MIA2: variants seen among roughly 807,000 people sequenced by gnomAD.
The protein encoded by MIA2 is MIA SH3 domain ER export factor 2, also known as melanoma inhibitory activity protein 2.
MIA2 carries 127 observed loss-of-function variants against 167.8 expected under a neutral mutation model. That is an observed-to-expected ratio of 0.76 (90% CI 0.66 to 0.88). MIA2 has a LOEUF of 0.88. Ranked by LOEUF, MIA2 falls within the 40% of genes least tolerant of loss-of-function variation. The pLI, the probability that MIA2 is intolerant of heterozygous loss-of-function variation, is 0.00. For synonymous variants in MIA2, 552 were observed against 541.9 expected, an observed-to-expected ratio of 1.02 and a Z score of -0.26; for missense variants, 1,690 against 1,624.7, an observed-to-expected ratio of 1.04 and a Z score of -0.69.
intron 9 of MIA2, among the ~76,000 whole-genome samples, chr14:39,284,701 A>G (rs1293633420): frequency 6.8e-6 from 1 of 146,334 alleles, no homozygotes; most frequent in Non-Finnish European, 1.5e-5. Context: ...GTTCCTAGGT[A>G]TTTTATTTTT....
chr14:39,267,459 T>C (rs761155808), intron 6 of MIA2: 1 of 1,612,254 alleles, frequency 6.2e-7, no homozygotes, highest in Admixed American at 1.7e-5. Context: ...GCTTTGGCGC[T>C]ATGGAGGAGC....
intron 18 of MIA2, 110 bp from the exon 19 acceptor site, chr14:39,313,230 T>A: frequency 1.9e-6 from 1 of 514,412 alleles, no homozygotes; most frequent in Non-Finnish European, 3.4e-6. Context: ...TTTTCAGTGG[T>A]ATTTTAGAAA....
chr14:39,312,866 T>G (rs955588744), intron 18 of MIA2, among the ~76,000 whole-genome samples: 1 of 140,442 alleles, frequency 7.1e-6, no homozygotes, highest in Admixed American at 7.5e-5. Flanking sequence ...ACTGTTTACT[T>G]TGGTTTCATT....
intron 6 of MIA2, chr14:39,266,134 C>T: frequency 1.0e-6 from 1 of 985,326 alleles, no homozygotes; most frequent in Non-Finnish European, 1.2e-6. Context: ...AGATTTTGTT[C>T]ATCTATTGAG....
At chr14:39,256,912 A>T (rs1324381623) in intron 6 of MIA2, among the ~76,000 whole-genome samples, 1 of 152,168 alleles carries the variant, frequency 6.6e-6, no homozygotes, top group Non-Finnish European at 1.5e-5. Context: ...AACGGTAATC[A>T]AGTTGGTTTT....
In MIA2 at chr14:39,253,072, A is replaced by G. The variant is rs1217741129; in HGVS notation, c.1788A>G (p.Glu596=). The change falls in exon 6 of 29, where the codon GAA becomes GAG. Residue 596 remains glutamate (E), a splice_region_variant and synonymous_variant. Transcript: ENST00000640607. ...LSSQNYISQK[E]DASEFQILKY... ...ATATTTTTATTTATAAATCAACAGA[A>G]GATGCTTCTGAGTTTCAGATTCTGA... The G allele has an allele frequency of 5.7e-6, 9 of 1,587,216 alleles. No individual in the cohort carries two copies. The highest frequency in any genetic ancestry group is 6.9e-6 in the Non-Finnish European group (8 of 1,166,816).
intron 2 of MIA2, among the ~76,000 whole-genome samples, chr14:39,239,227 C>T (rs2152607467): frequency 6.6e-6 from 1 of 152,294 alleles, no homozygotes; most frequent in Non-Finnish European, 1.5e-5. Context: ...TCCCAACTTT[C>T]CCTACTGCTT....
chr14:39,248,466 A>T (rs2054407387), intron 4 of MIA2, among the ~76,000 whole-genome samples: 1 of 151,858 alleles, frequency 6.6e-6, no homozygotes, highest in Non-Finnish European at 1.5e-5. Flanking sequence ...GACAAAAGCA[A>T]TTTCTGTTCT....
At chr14:39,236,488 A>T (rs2053753423) in intron 1 of MIA2, among the ~76,000 whole-genome samples, 1 of 152,216 alleles carries the variant, frequency 6.6e-6, no homozygotes, top group Non-Finnish European at 1.5e-5. Flanking sequence ...TATTTACCTC[A>T]TAGATCTGTT....
At chr14:39,304,768 G>C (rs975313399) in intron 17 of MIA2, among the ~76,000 whole-genome samples, 4 of 152,032 alleles carry the variant, frequency 2.6e-5, no homozygotes, top group Non-Finnish European at 5.9e-5. Flanking sequence ...AGTATGATTC[G>C]TTCCTTTAAT....
rs752768772 is a variant in MIA2, at chr14:39,347,779, T to G, written c.3837+8T>G. 152 of 1,609,136 alleles carry G rather than the reference T, an allele frequency of 9.4e-5. No homozygotes were observed. The Admixed American group carries it at 2.5e-3, about 26-fold the overall frequency. On this transcript the variant is annotated splice_region_variant and intron_variant, in intron 27 of 28. Coordinates refer to ENST00000640607, the MANE Select transcript of MIA2 (RefSeq NM_001329214.4). ...ACCAAAGATGATCTTGGTGTAAGTA[T>G]TGAAAGAGTGGAATTGTATGCATGT...
chr14:39,343,809 A>G (rs1176925507), intron 25 of MIA2, among the ~76,000 whole-genome samples: 21 of 152,220 alleles, frequency 1.4e-4, no homozygotes, highest in Admixed American at 1.3e-3. Context: ...GTATATGTGC[A>G]TATGAGGGTG....
intron 24 of MIA2, among the ~76,000 whole-genome samples, chr14:39,326,542 T>C (rs1204155483): frequency 6.6e-6 from 1 of 151,700 alleles, no homozygotes; most frequent in Non-Finnish European, 1.5e-5. Context: ...AAAGGAATCA[T>C]GCTCATTTGG....
chr14:39,348,006 T>G (rs554217151), intron 27 of MIA2, among the ~76,000 whole-genome samples: 1 of 152,034 alleles, frequency 6.6e-6, no homozygotes, highest in Non-Finnish European at 1.5e-5. Context: ...AGAGACGGAG[T>G]TTCACCCTGT....
At chr14:39,351,087 G>T (rs545838442), downstream of MIA2, 9 of 152,142 alleles carry the variant, frequency 5.9e-5, no homozygotes, top group East Asian at 1.7e-3. Context: ...AATATCTTTA[G>T]TGTTTCCCTA....
chr14:39,318,204 T>A (rs1047469318), intron 22 of MIA2, among the ~76,000 whole-genome samples, 193 bp downstream of exon 22: 20 of 152,192 alleles, frequency 1.3e-4, no homozygotes, highest in African/African-American at 4.3e-4. Flanking sequence ...GAAGTGGCAC[T>A]TGGAGGAAAC....
chr14:39,249,716 C>T (rs926695163), intron 4 of MIA2, among the ~76,000 whole-genome samples: 97 of 151,988 alleles, frequency 6.4e-4, no homozygotes, highest in African/African-American at 2.0e-3. Flanking sequence ...TATGACTTTC[C>T]GACATCTCCA....
intron 9 of MIA2, among the ~76,000 whole-genome samples, chr14:39,288,451 A>ATTTTTTTTTTTTTTTTTT (rs1566746956): frequency 1.1e-4 from 1 of 8,794 alleles, no homozygotes; most frequent in Non-Finnish European, 2.4e-4. Flanking sequence ...ATATATATAT[A>ATTTTTTTTTTTTTTTTTT]TATATATATA....
chr14:39,299,894 C>A lies in MIA2; in HGVS notation c.2527C>A (p.Gln843Lys), dbSNP rs772207551. Residue 843 changes from glutamine (Q) to lysine (K), a missense_variant, in exon 14 of 29, where the codon CAA becomes AAA. Physicochemically the swap from Gln to Lys is moderately conservative, Grantham distance 53. Transcript: ENST00000640607. ...LLQEAEVWKE[Q>K]VSELNKQKVT... ...GCAAGAAGCTGAAGTATGGAAAGAA[C>A]AAGTGAGTGAACTTAATAAACAGAA... 13 of 1,608,072 alleles carry A rather than the reference C, an allele frequency of 8.1e-6. No individual in the cohort carries two copies. The highest frequency in any genetic ancestry group is 1.1e-5 in the Non-Finnish European group (13 of 1,178,486).
Sources: allele counts gnomAD v4.1 joint callset (sites outside exome capture counted in the v4.1 genomes callset), GRCh38; gene constraint gnomAD v4.1.1; transcripts MANE v1.5; gene names NCBI Gene and HGNC (gene_info 2026-07-23, HGNC 2026-07-21).